ANK2: variants seen among roughly 807,000 people sequenced by gnomAD.
The protein encoded by ANK2 is ankyrin 2, also known as ankyrin-2.
In ANK2, 83 loss-of-function variants were observed where a neutral mutation model predicts 360.5. The ratio of observed to expected loss-of-function variants is 0.23; its 90% CI spans 0.19 to 0.28. The LOEUF (loss-of-function observed/expected upper bound fraction) is 0.28. Ranked by LOEUF, ANK2 falls within the 10% of genes least tolerant of loss-of-function variation. The pLI is 1.00. For missense variants in ANK2, 4,201 were observed against 4,795.7 expected (o/e 0.88, Z 3.66); for synonymous variants, 1,740 against 1,759.5 (o/e 0.99, Z 0.28).
intron 2 of ANK2, among the ~76,000 whole-genome samples, chr4:113,002,009 T>C (rs1360519602): frequency 6.8e-6 from 1 of 148,030 alleles, no homozygotes; most frequent in Non-Finnish European, 1.5e-5. Context: ...TTCTTTTATT[T>C]ATTTATTTAT....
intron 2 of ANK2, among the ~76,000 whole-genome samples, chr4:113,189,500 A>G (rs1264949912): frequency 6.6e-6 from 1 of 152,210 alleles, no homozygotes; most frequent in Non-Finnish European, 1.5e-5. Flanking sequence ...TAGTATGTGA[A>G]TACTTGAATT....
the ANK2 span, among the ~76,000 whole-genome samples, chr4:112,763,545 T>C: frequency 2.1e-5 from 3 of 140,560 alleles, no homozygotes; most frequent in Non-Finnish European, 4.6e-5. Context: ...TTTTTTTCTT[T>C]TCCCCTAGTC....
chr4:112,763,692 C>T, the ANK2 span, among the ~76,000 whole-genome samples: 169 of 149,716 alleles, frequency 1.1e-3, no homozygotes, highest in African/African-American at 3.2e-3. Context: ...CCACGGGGCC[C>T]GACTAATTTT....
At chr4:112,806,261 T>G in the ANK2 span, among the ~76,000 whole-genome samples, 1 of 152,168 alleles carries the variant, frequency 6.6e-6, no homozygotes, top group African/African-American at 2.4e-5. Flanking sequence ...CACTGAATTG[T>G]TTTAATTTTT....
intron 2 of ANK2, among the ~76,000 whole-genome samples, chr4:112,910,551 A>G (rs1402498772): frequency 2.0e-5 from 3 of 152,236 alleles, no homozygotes; most frequent in African/African-American, 7.2e-5. Flanking sequence ...CAGCCAGCAG[A>G]GGGAGAAAGT....
intron 2 of ANK2, among the ~76,000 whole-genome samples, chr4:113,183,539 A>G (rs919456793): frequency 4.6e-5 from 7 of 152,190 alleles, no homozygotes; most frequent in African/African-American, 1.4e-4. Context: ...AAGACTATGC[A>G]TAGGATTCAT....
At position 113,342,953 on chromosome 4, in the gene ANK2, C is replaced by A. The variant is rs530118638; in HGVS notation, c.4123-64C>A. The stretch of plus-strand genomic sequence containing the variant: ...GAAGTTCCAAGTAGTACTACCACTT[C>A]TTTGTGTAAACAACAAGTATAATTG... On this transcript the variant is annotated intron_variant, in intron 33 of 45. Transcript: ENST00000357077. 1.5e-5 allele frequency: 24 copies of A among 1,601,756 alleles called. No homozygotes were observed. In the African/African-American group the frequency reaches 2.9e-4, roughly 20 times the overall value.
At chr4:113,325,954 T>A (rs188828824) in intron 26 of ANK2, among the ~76,000 whole-genome samples, 1 of 152,328 alleles carries the variant, frequency 6.6e-6, no homozygotes, top group Admixed American at 6.5e-5. Context: ...TATATGTTTT[T>A]ACTTAAGTTA....
the ANK2 span, among the ~76,000 whole-genome samples, chr4:112,716,544 T>C: frequency 6.6e-6 from 1 of 152,214 alleles, no homozygotes; most frequent in East Asian, 1.9e-4. Flanking sequence ...GTTAACTAAA[T>C]GTCCCTTATT....
At chr4:112,792,159 A>G in the ANK2 span, among the ~76,000 whole-genome samples, 9 of 148,310 alleles carry the variant, frequency 6.1e-5, no homozygotes, top group African/African-American at 2.3e-4. Flanking sequence ...TTCCTGCCTC[A>G]GCCTCCCGAG....
intron 2 of ANK2, among the ~76,000 whole-genome samples, chr4:112,927,686 G>A (rs1159257092): frequency 2.0e-5 from 3 of 152,136 alleles, no homozygotes; most frequent in African/African-American, 7.2e-5. Flanking sequence ...TTACATCATA[G>A]TCATTCTCAT....
intron 41 of ANK2, among the ~76,000 whole-genome samples, chr4:113,365,794 T>G (rs1487432667): frequency 6.6e-6 from 1 of 152,092 alleles, no homozygotes; most frequent in East Asian, 1.9e-4. Context: ...TCTTAGAAAA[T>G]AATAAGAATA....
intron 1 of ANK2, among the ~76,000 whole-genome samples, chr4:113,073,872 A>G (rs1212832416): frequency 2.0e-5 from 3 of 152,218 alleles, no homozygotes; most frequent in Non-Finnish European, 2.9e-5. Context: ...AGTATGCCCT[A>G]CGTTGGATGC....
the ANK2 span, among the ~76,000 whole-genome samples, chr4:112,752,767 A>G: frequency 6.6e-6 from 1 of 152,122 alleles, no homozygotes; most frequent in East Asian, 1.9e-4. Context: ...GTAGGTTCAA[A>G]TGATCCTCCT....
upstream of ANK2, among the ~76,000 whole-genome samples, chr4:113,048,917 G>GACACACAC (rs55814667): frequency 2.2e-5 from 3 of 139,326 alleles, no homozygotes; most frequent in African/African-American, 5.4e-5. Flanking sequence ...CCCCTACCCA[G>GACACACAC]ACACACACAC....
At chr4:112,881,868 T>C in intron 1 of ANK2, 1 of 776,552 alleles carries the variant, frequency 1.3e-6, no homozygotes, top group Non-Finnish European at 2.2e-6. Flanking sequence ...TTTTTGAGAA[T>C]ATTCTCTTGA....
At chr4:113,162,801 T>G (rs1185145908) in intron 1 of ANK2, among the ~76,000 whole-genome samples, 1 of 151,930 alleles carries the variant, frequency 6.6e-6, no homozygotes, top group Admixed American at 6.6e-5. Flanking sequence ...TGTTTATTTC[T>G]TCTACATTCA....
intron 39 of ANK2, 63 bp from the exon 40 acceptor site, chr4:113,363,275 G>A: frequency 1.3e-6 from 2 of 1,558,546 alleles, no homozygotes; most frequent in Non-Finnish European, 1.8e-6. Context: ...AAATCACAAA[G>A]CAAAATGTAG....
Position 113,287,591 on chromosome 4 carries a change from C to T in ANK2, c.2080-14C>T, listed in dbSNP as rs752770984. The T allele has an allele frequency of 3.2e-6, 5 of 1,567,684 alleles. No individual in the cohort carries two copies. In the East Asian group the frequency reaches 9.0e-5, roughly 28 times the overall value. On this transcript the variant is annotated splice_polypyrimidine_tract_variant and intron_variant, in intron 18 of 45. Transcript: ENST00000357077. ...TTCTTCAACTGTATCCCTTTGGTTC[C>T]ATTCTTTCTGTAGAGTGGACTCACA...
Sources: gnomAD v4.1 joint callset for allele counts (sites outside exome capture counted in the v4.1 genomes callset) on GRCh38, gnomAD v4.1.1 for gene constraint, MANE v1.5 for transcripts, NCBI Gene and HGNC (gene_info 2026-07-23, HGNC 2026-07-21) for gene names.